SLC25A26: variants seen among roughly 807,000 people sequenced by gnomAD.
SLC25A26 encodes the protein mitochondrial S-adenosylmethionine carrier protein.
SLC25A26 carries 36 observed loss-of-function variants against 37.8 expected under a neutral mutation model. The observed-to-expected ratio is 0.95, with a 90% CI of 0.73 to 1.26. SLC25A26 has a LOEUF of 1.26. Among genes scored for constraint, SLC25A26 ranks in the 50% most tolerant of loss-of-function variants. The pLI is 0.00. For missense variants in SLC25A26, 390 were observed against 331.1 expected, an observed-to-expected ratio of 1.18 and a Z score of -1.38; for synonymous variants, 129 against 122.5, an observed-to-expected ratio of 1.05 and a Z score of -0.35.
intron 5 of SLC25A26, among the ~76,000 whole-genome samples, chr3:66,303,318 C>T (rs570955426): frequency 9.1e-4 from 139 of 152,310 alleles, no homozygotes; most frequent in African/African-American, 3.1e-3. Flanking sequence ...GGCGCAGCCA[C>T]CTTTAAGGAA....
intron 5 of SLC25A26, among the ~76,000 whole-genome samples, chr3:66,279,423 T>C (rs2074263847): frequency 6.6e-6 from 1 of 152,182 alleles, no homozygotes; most frequent in Non-Finnish European, 1.5e-5. Flanking sequence ...TTACACCTGG[T>C]GCTACAGTGT....
At chr3:66,242,406 A>G (rs184880886) in intron 2 of SLC25A26, among the ~76,000 whole-genome samples, 8 of 152,320 alleles carry the variant, frequency 5.3e-5, no homozygotes, top group Non-Finnish European at 1.0e-4. Flanking sequence ...CCTAGTGTAT[A>G]TTTGTTAGCA....
At chr3:66,355,554 C>T (rs968931266) in intron 6 of SLC25A26, among the ~76,000 whole-genome samples, 5 of 152,098 alleles carry the variant, frequency 3.3e-5, no homozygotes, top group African/African-American at 7.2e-5. Context: ...TATGGTGTGG[C>T]GGAATGAAAG....
At chr3:66,306,900 C>CTAT (rs1453129707) in intron 5 of SLC25A26, among the ~76,000 whole-genome samples, 1 of 152,180 alleles carries the variant, frequency 6.6e-6, no homozygotes, top group Non-Finnish European at 1.5e-5. Flanking sequence ...TTTATCCAGT[C>CTAT]TATCATTGAT....
intron 5 of SLC25A26, among the ~76,000 whole-genome samples, chr3:66,302,412 G>T (rs1486563439): frequency 6.6e-6 from 1 of 152,194 alleles, no homozygotes; most frequent in Non-Finnish European, 1.5e-5. Context: ...GAACAGAGTA[G>T]CGGCTGCTTG....
intron 1 of SLC25A26, among the ~76,000 whole-genome samples, chr3:66,209,350 T>C (rs991397022): frequency 3.6e-5 from 5 of 140,442 alleles, no homozygotes; most frequent in Admixed American, 2.3e-4. Flanking sequence ...TACATATGTA[T>C]ATATATCTGT....
intron 9 of SLC25A26, among the ~76,000 whole-genome samples, 155 bp from the exon 10 acceptor site, chr3:66,377,535 A>G (rs901118473): frequency 2.0e-5 from 3 of 152,030 alleles, no homozygotes; most frequent in African/African-American, 4.8e-5. Flanking sequence ...CTGTTGGGAC[A>G]CAGCTATTAC....
At chr3:66,341,270 G>A (rs188257797) in intron 5 of SLC25A26, among the ~76,000 whole-genome samples, 4 of 152,176 alleles carry the variant, frequency 2.6e-5, no homozygotes, top group Admixed American at 2.6e-4. Flanking sequence ...TTATTTTGAT[G>A]AGCATTTTTA....
rs916233358 is a variant in SLC25A26 at position 66,369,608 on chromosome 3, G to A, written c.633+66G>A. The A allele has an allele frequency of 6.6e-5, 88 of 1,342,772 alleles. 1 individual carries two copies. Among genetic ancestry groups the A allele is most frequent in the Non-Finnish European group, 8.1e-5 (78 of 959,278 alleles). 83.2% of individuals were successfully genotyped at this position (1,342,772 alleles called of 1,614,324 possible). A position where few individuals can be genotyped will look rare whatever the true frequency, so the allele number is the denominator to read the frequency against. Reference sequence around the variant, plus strand: ...CATATCTGTTAGCACTAGGACTACAGGTGTATAAAGTGAACACAAATGGCT... The same window carrying A: ...CATATCTGTTAGCACTAGGACTACAAGTGTATAAAGTGAACACAAATGGCT... On this transcript the variant is annotated intron_variant, in intron 8 of 9. Transcript: ENST00000354883.
At chr3:66,199,641 C>T (rs1166270117) in intron 1 of SLC25A26, among the ~76,000 whole-genome samples, 5 of 152,072 alleles carry the variant, frequency 3.3e-5, no homozygotes, top group Non-Finnish European at 5.9e-5. Flanking sequence ...CCTGACCCTT[C>T]TTTACCTTCA....
chr3:66,149,774 C>A (rs2070173007), intron 1 of SLC25A26, among the ~76,000 whole-genome samples: 1 of 152,128 alleles, frequency 6.6e-6, no homozygotes, highest in Admixed American at 6.6e-5. Flanking sequence ...TAGATTGGGG[C>A]AATTTGATAA....
At chr3:66,141,778 G>A (rs895454415) in intron 1 of SLC25A26, among the ~76,000 whole-genome samples, 2 of 152,198 alleles carry the variant, frequency 1.3e-5, no homozygotes, top group African/African-American at 4.8e-5. Flanking sequence ...GCCTCCCAAA[G>A]TACTGGATTA....
intron 7 of SLC25A26, among the ~76,000 whole-genome samples, chr3:66,368,149 C>T (rs762720195): frequency 6.6e-6 from 1 of 152,096 alleles, no homozygotes; most frequent in Non-Finnish European, 1.5e-5. Flanking sequence ...CCTTCTTGTC[C>T]ACAAGCCACA....
chr3:66,217,256 G>A (rs1057231899), upstream of SLC25A26, among the ~76,000 whole-genome samples: 10 of 152,128 alleles, frequency 6.6e-5, no homozygotes, highest in Non-Finnish European at 1.3e-4. Flanking sequence ...TTTCTCTTAG[G>A]GAAGGAATTA....
chr3:66,269,153 A>G (rs72901296), intron 5 of SLC25A26, among the ~76,000 whole-genome samples: 2,306 of 152,308 alleles, frequency 0.015, 68 homozygotes, highest in African/African-American at 0.052. Flanking sequence ...CTTCTCGTTG[A>G]TACCTTTATA....
At position 66,265,439 on chromosome 3, in the gene SLC25A26, T is replaced by G. The variant is rs1214342394; in HGVS notation, c.453+2060T>G. On this transcript the variant is annotated intron_variant, in intron 5 of 9. Transcript: ENST00000354883. ...AGATAGGTGAGATATAAGAGAAGTCTGGTTTGGGACACAATTCTCTGTTAA... is the reference window on the plus strand; with the variant it reads ...AGATAGGTGAGATATAAGAGAAGTCGGGTTTGGGACACAATTCTCTGTTAA... 2.6e-5 allele frequency among the ~76,000 whole-genome samples: 4 copies of G among 152,240 alleles called. No homozygotes were observed. In the East Asian group the frequency reaches 7.7e-4, roughly 29 times the overall value.
chr3:66,252,083 G>T (rs2073106694), intron 3 of SLC25A26, among the ~76,000 whole-genome samples: 1 of 152,154 alleles, frequency 6.6e-6, no homozygotes, highest in Admixed American at 6.5e-5. Flanking sequence ...CCACTGCATT[G>T]TAAATGGAAA....
intron 1 of SLC25A26, among the ~76,000 whole-genome samples, chr3:66,226,364 T>C (rs2071751210): frequency 6.6e-6 from 1 of 152,194 alleles, no homozygotes; most frequent in Admixed American, 6.5e-5. Flanking sequence ...CCTGCCACCA[T>C]GATTCAATTA....
intron 1 of SLC25A26, among the ~76,000 whole-genome samples, chr3:66,229,704 G>GTTCTC (rs1298030529): frequency 1.3e-5 from 2 of 152,190 alleles, no homozygotes; most frequent in Non-Finnish European, 2.9e-5. Flanking sequence ...TGTGAGAACA[G>GTTCTC]ACTAATACAA....
Sources: allele counts gnomAD v4.1 joint callset (sites outside exome capture counted in the v4.1 genomes callset), GRCh38; gene constraint gnomAD v4.1.1; transcripts MANE v1.5; gene names NCBI Gene and HGNC (gene_info 2026-07-23, HGNC 2026-07-21).